FAM76B: variants seen among roughly 807,000 people sequenced by gnomAD.
FAM76B encodes family with sequence similarity 76 member B.
Under a neutral mutation model 51.8 loss-of-function variants are expected in FAM76B, and 16 were observed. The observed-to-expected ratio is 0.31, with a 90% CI of 0.21 to 0.47. The LOEUF is 0.47. Among genes scored for constraint, FAM76B ranks in the 20% least tolerant of loss-of-function variants. The pLI, the probability that FAM76B is intolerant of heterozygous loss-of-function variation, is 1.00. For missense variants in FAM76B, 342 were observed against 392.6 expected (o/e 0.87, Z 1.09); for synonymous variants, 166 against 129.5 (o/e 1.28, Z -1.91).
At chr11:95,783,796 C>A (rs1860406368) in intron 4 of FAM76B, among the ~76,000 whole-genome samples, 1 of 152,194 alleles carries the variant, frequency 6.6e-6, no homozygotes, top group Non-Finnish European at 1.5e-5. Flanking sequence ...GGCCACTGCA[C>A]ACATACACAA....
At chr11:95,773,000 A>G (rs181618445) in intron 9 of FAM76B, among the ~76,000 whole-genome samples, 2 of 151,310 alleles carry the variant, frequency 1.3e-5, no homozygotes, top group East Asian at 3.9e-4. Context: ...CAAATTCAGT[A>G]TCAATTTCAA....
chr11:95,776,003 G>T lies in FAM76B; in HGVS notation c.849C>A (p.Asp283Glu). The T allele has an allele frequency of 6.3e-7, 1 of 1,586,894 alleles. No individual in the cohort carries two copies. The highest frequency in any genetic ancestry group is 8.6e-7 in the Non-Finnish European group (1 of 1,166,156). ...TCAAATTTGACTCTTGGTACTGAAA[G>T]TCTGCCTTTAGTTCAGTTAACTGAG... ...KDKKLTELKA[D>E]FQYQESNLRT... Residue 283 changes from aspartate (D) to glutamate (E), a missense_variant, in exon 9 of 10, where the codon GAC becomes GAA. Transcript: ENST00000358780.
chr11:95,773,414 AT>A (rs1466747768), intron 9 of FAM76B, among the ~76,000 whole-genome samples: 1 of 147,196 alleles, frequency 6.8e-6, no homozygotes. Context: ...ATATATGTAC[AT>A]TTAAATTGTT....
chr11:95,789,474 G>A lies in FAM76B; in HGVS notation c.5C>T (p.Ala2Val). Residue 2 changes from alanine to valine, a missense_variant, in exon 1 of 10, where the codon GCG becomes GTG. Physicochemically the swap from Ala to Val is moderately conservative, Grantham distance 64 (BLOSUM62 0). This residue lies in a region of FAM76B where 96 missense variants were observed against 94.7 expected (regional missense o/e 1.01). Transcript: ENST00000358780. ...GGTGCAGGCGTACAGGGCCGAGGCC[G>A]CCATCCTGCTCCTCAGTCTCCTCCT... The part of the protein sequence containing the change: M[A>V]ASALYACTKC... 1.2e-6 allele frequency: 2 copies of A among 1,603,540 alleles called. No homozygotes were observed. Among genetic ancestry groups the A allele is most frequent in the Admixed American group, 1.7e-5 (1 of 59,046 alleles).
chr11:95,775,393 A>T (rs1244342526), intron 9 of FAM76B, among the ~76,000 whole-genome samples: 3 of 151,406 alleles, frequency 2.0e-5, no homozygotes, highest in Non-Finnish European at 3.0e-5. Flanking sequence ...GTTCAGGTGG[A>T]TCACTACCTG....
rs1859663156 is a variant in FAM76B, at chr11:95,769,126, C to T, written c.*2435G>A. The T allele has an allele frequency of 6.6e-6, 1 of 152,338 alleles. No individual in the cohort carries two copies. The highest frequency in any genetic ancestry group is 2.4e-5 in the African/African-American group (1 of 41,412). 9.4% of individuals were successfully genotyped at this position (152,338 alleles called of 1,614,324 possible). ...ATAATCTAAAAAGGACTGCAATATT[C>T]ACAGGCTATTAATACATAAATAACT... is the stretch of plus-strand genomic sequence containing the variant. On this transcript the variant is annotated 3_prime_UTR_variant, in exon 10 of 10. Coordinates refer to ENST00000358780, the MANE Select transcript of FAM76B (RefSeq NM_144664.5).
intron 8 of FAM76B, among the ~76,000 whole-genome samples, chr11:95,776,239 T>A (rs1469627232): frequency 6.6e-6 from 1 of 151,400 alleles, no homozygotes; most frequent in Non-Finnish European, 1.5e-5. Context: ...TACCTGACCA[T>A]CAGTAAAACT....
chr11:95,787,847 C>T lies in FAM76B; in HGVS notation c.153-169G>A, dbSNP rs539495798. Among the ~76,000 whole-genome samples the T allele has an allele frequency of 2.6e-5, 4 of 152,258 alleles. No homozygotes were observed. In the South Asian group the frequency reaches 6.2e-4, roughly 24 times the overall value. ...TTCAGAGTTGTTTTACCCAAATTAACTTATGACAAATGTTTTTATACATTT... is the reference window on the plus strand; with the variant it reads ...TTCAGAGTTGTTTTACCCAAATTAATTTATGACAAATGTTTTTATACATTT... On this transcript the variant is annotated intron_variant, in intron 2 of 9. Coordinates refer to ENST00000358780, the MANE Select transcript of FAM76B (RefSeq NM_144664.5).
chr11:95,779,844 T>G lies in FAM76B; in HGVS notation c.611+35A>C, dbSNP rs1332207782. 1.9e-6 allele frequency: 3 copies of G among 1,589,406 alleles called. No individual in the cohort carries two copies. In the African/African-American group the frequency reaches 4.1e-5, roughly 22 times the overall value. On this transcript the variant is annotated intron_variant, in intron 6 of 9. Coordinates refer to ENST00000358780, the MANE Select transcript of FAM76B (RefSeq NM_144664.5). ...GATATCACATTTATAAATATACATT[T>G]CAAAATACTTCAGAAAATACAGCAA...
At position 95,779,522 on chromosome 11, in the gene FAM76B, T is replaced by C. The variant is rs975682426; in HGVS notation, c.692+85A>G. On this transcript the variant is annotated intron_variant, in intron 7 of 9. Coordinates refer to ENST00000358780, the MANE Select transcript of FAM76B (RefSeq NM_144664.5). ...TCAATGTAGAAAATACATGTTTCTA[T>C]TTTTTTATCTAGTAATAACTGGCAT... 34 of 1,142,802 alleles carry C rather than the reference T, an allele frequency of 3.0e-5. No individual in the cohort carries two copies. The South Asian group carries it at 5.1e-4, about 17-fold the overall frequency. 70.8% of individuals were successfully genotyped at this position (1,142,802 alleles called of 1,614,324 possible). A position where few individuals can be genotyped will look rare whatever the true frequency, so the allele number is the denominator to read the frequency against.
intron 1 of FAM76B, chr11:95,788,831 A>G (rs1860771166): frequency 6.9e-7 from 1 of 1,440,898 alleles, no homozygotes; most frequent in African/African-American, 1.4e-5. Context: ...AGGATTGGTT[A>G]AATGTGAAAC....
chr11:95,778,431 AAT>A (rs1860107225), intron 8 of FAM76B, among the ~76,000 whole-genome samples: 1 of 151,520 alleles, frequency 6.6e-6, no homozygotes, highest in African/African-American at 2.4e-5. Context: ...GATTGATACA[AAT>A]ATATGACTGG....
intron 2 of FAM76B, among the ~76,000 whole-genome samples, 183 bp downstream of exon 2, chr11:95,788,316 C>A (rs1565298350): frequency 6.6e-6 from 1 of 152,118 alleles, no homozygotes; most frequent in Non-Finnish European, 1.5e-5. Flanking sequence ...TGTAAATTAA[C>A]CACCACTGGT....
chr11:95,774,957 A>G (rs1254989), intron 9 of FAM76B, among the ~76,000 whole-genome samples: 86,689 of 150,400 alleles, frequency 0.58, 27,367 homozygotes, highest in African/African-American at 0.85. Context: ...TGAATAATAC[A>G]AAACCAAAAG....
intron 4 of FAM76B, among the ~76,000 whole-genome samples, chr11:95,784,203 T>C (rs1190700119): frequency 1.3e-5 from 2 of 152,086 alleles, no homozygotes; most frequent in African/African-American, 4.8e-5. Context: ...AACCAAATCC[T>C]GCATGTTCTT....
rs1331642693 is a variant in FAM76B at position 95,789,544 on chromosome 11, A to C, written c.-66T>G. On this transcript the variant is annotated 5_prime_UTR_variant, in exon 1 of 10. Coordinates refer to ENST00000358780, the MANE Select transcript of FAM76B (RefSeq NM_144664.5). ...GGCGGGGCCCTACGGAGAACCCGAG[A>C]GCCGCCGCCGCCCGGGCCGCGGGCT... 2 of 1,452,380 alleles carry C rather than the reference A, an allele frequency of 1.4e-6. No individual in the cohort carries two copies. Among genetic ancestry groups the C allele is most frequent in the Non-Finnish European group, 1.9e-6 (2 of 1,074,230 alleles). 90.0% of individuals were successfully genotyped at this position (1,452,380 alleles called of 1,614,324 possible). A position where few individuals can be genotyped will look rare whatever the true frequency, so the allele number is the denominator to read the frequency against.
At chr11:95,788,973 A>G in intron 1 of FAM76B, 1 of 1,348,170 alleles carries the variant, frequency 7.4e-7, no homozygotes, top group Non-Finnish European at 9.7e-7. Context: ...GGATGCCATC[A>G]GCTTTGCGGC....
At chr11:95,772,714 A>C (rs961960186) in intron 9 of FAM76B, among the ~76,000 whole-genome samples, 2 of 151,076 alleles carry the variant, frequency 1.3e-5, no homozygotes, top group Non-Finnish European at 3.0e-5. Flanking sequence ...TTCTAATTTT[A>C]GCTTTTTACG....
chr11:95,784,522 G>T (rs568676340), intron 4 of FAM76B, among the ~76,000 whole-genome samples: 5 of 151,638 alleles, frequency 3.3e-5, no homozygotes, highest in Admixed American at 2.6e-4. Flanking sequence ...TCTTAGCACT[G>T]TTGGCCATGA....
Sources: allele counts gnomAD v4.1 joint callset (sites outside exome capture counted in the v4.1 genomes callset), GRCh38; gene constraint gnomAD v4.1.1; regional missense constraint gnomAD v4.1.1; transcripts MANE v1.5; gene names NCBI Gene and HGNC (gene_info 2026-07-23, HGNC 2026-07-21).